RAB21: variants seen among roughly 807,000 people sequenced by gnomAD.
RAB21 encodes ras-related protein Rab-21.
RAB21 carries 13 observed loss-of-function variants against 33.1 expected under a neutral mutation model. That is an observed-to-expected ratio of 0.39 (90% CI 0.26 to 0.62). The LOEUF is 0.62. Among genes scored for constraint, RAB21 ranks in the 20% least tolerant of loss-of-function variants. The pLI is 0.48. For synonymous variants in RAB21, 91 were observed against 103.7 expected, an observed-to-expected ratio of 0.88 and a Z score of 0.74; for missense variants, 234 against 279.1, an observed-to-expected ratio of 0.84 and a Z score of 1.15.
chr12:71,769,943 C>CT (rs578245368), intron 2 of RAB21, 84 bp downstream of exon 2: 35,192 of 431,450 alleles, frequency 0.082, 360 homozygotes, highest in East Asian at 0.16. Context: ...TTAGCCAACA[C>CT]TTTTTTTTTT....
rs1178296248 is a variant in RAB21, at chr12:71,787,974, A to G, written c.*2301A>G. The G allele has an allele frequency of 6.6e-6, 1 of 152,138 alleles. No individual in the cohort carries two copies. The highest frequency in any genetic ancestry group is 1.5e-5 in the Non-Finnish European group (1 of 68,020). The allele number at this position is 152,138 out of a possible 1,614,324, so 9.4% of individuals were successfully genotyped here. On this transcript the variant is annotated 3_prime_UTR_variant, in exon 7 of 7. Transcript: ENST00000261263. ...AGATAGGAAATAAGCTTTTCTCATT[A>G]CAGTGAAATATGTTTTAAAAACTAG...
At chr12:71,768,590 C>A (rs1273195659) in intron 1 of RAB21, among the ~76,000 whole-genome samples, 1 of 152,042 alleles carries the variant, frequency 6.6e-6, no homozygotes, top group African/African-American at 2.4e-5. Context: ...TGTAAGTGTT[C>A]TTTCTACCTA....
At chr12:71,772,290 CT>C (rs953366690) in intron 3 of RAB21, among the ~76,000 whole-genome samples, 2 of 152,140 alleles carry the variant, frequency 1.3e-5, no homozygotes, top group Non-Finnish European at 2.9e-5. Context: ...CTACCTTAAG[CT>C]TTTTATATGA....
chr12:71,782,348 G>A (rs900728707), intron 5 of RAB21: 2 of 520,676 alleles, frequency 3.8e-6, no homozygotes, highest in Non-Finnish European at 6.8e-6. Context: ...AACTTTTGAA[G>A]TATTTGAGTC....
intron 1 of RAB21, among the ~76,000 whole-genome samples, chr12:71,760,371 T>TTTA (rs943083461): frequency 9.9e-5 from 15 of 152,018 alleles, no homozygotes; most frequent in African/African-American, 3.1e-4. Context: ...CTCTCTTAAC[T>TTTA]TATATAGAGT....
chr12:71,781,840 A>G (rs1883205730), intron 4 of RAB21, among the ~76,000 whole-genome samples, 191 bp from the exon 5 acceptor site: 1 of 152,180 alleles, frequency 6.6e-6, no homozygotes, highest in Non-Finnish European at 1.5e-5. Context: ...GAGTCATTTG[A>G]AGGAGGATGA....
chr12:71,775,154 T>G (rs1883101361), intron 4 of RAB21, among the ~76,000 whole-genome samples: 3 of 152,206 alleles, frequency 2.0e-5, no homozygotes, highest in Admixed American at 6.5e-5. Context: ...TTCTTTAGAT[T>G]ATTATTTCTG....
intron 3 of RAB21, among the ~76,000 whole-genome samples, chr12:71,773,036 C>T (rs913802814): frequency 1.3e-5 from 2 of 152,170 alleles, no homozygotes; most frequent in African/African-American, 4.8e-5. Context: ...TGTATTTTTT[C>T]AGGAGGTTTT....
chr12:71,782,324 C>T, intron 5 of RAB21: 1 of 532,584 alleles, frequency 1.9e-6, no homozygotes. Context: ...ATCAAATAGG[C>T]AGTAAGCCAG....
chr12:71,764,219 G>A (rs909559564), intron 1 of RAB21, among the ~76,000 whole-genome samples: 3 of 152,086 alleles, frequency 2.0e-5, no homozygotes, highest in Admixed American at 6.5e-5. Flanking sequence ...TAGTATGTGC[G>A]TATGAGTGGT....
Position 71,758,028 on chromosome 12 carries a change from T to A in RAB21, c.159+2740T>A, listed in dbSNP as rs1003032630. ...GTCCTAAGGTGTCCCATTTCATTTTTAAATTTTTTTTTTTTTCTTTTTGAG... is the reference window on the plus strand; with the variant it reads ...GTCCTAAGGTGTCCCATTTCATTTTAAAATTTTTTTTTTTTTCTTTTTGAG... On this transcript the variant is annotated intron_variant, in intron 1 of 6. Coordinates refer to ENST00000261263, the MANE Select transcript of RAB21 (RefSeq NM_014999.4). 1.4e-3 allele frequency among the ~76,000 whole-genome samples: 215 copies of A among 152,094 alleles called. 1 individual carries two copies. The highest frequency in any genetic ancestry group is 4.8e-3 in the African/African-American group (201 of 41,480).
At position 71,800,110 on chromosome 12, in the gene RAB21, T is replaced by C. The variant is rs996157873; in HGVS notation, c.*14437T>C. 3 of 151,452 alleles carry C rather than the reference T, an allele frequency of 2.0e-5. No individual in the cohort carries two copies. The highest frequency in any genetic ancestry group is 7.3e-5 in the African/African-American group (3 of 41,224). 9.4% of individuals were successfully genotyped at this position (151,452 alleles called of 1,614,324 possible). A position where few individuals can be genotyped will look rare whatever the true frequency, so the allele number is the denominator to read the frequency against. On this transcript the variant is annotated 3_prime_UTR_variant, in exon 7 of 7. Transcript: ENST00000261263. ...AAAAAAATTAATTGCACATGAAGTATACAAGTTCGATCTGTGAAACCACCA... is the reference window on the plus strand; with the variant it reads ...AAAAAAATTAATTGCACATGAAGTACACAAGTTCGATCTGTGAAACCACCA...
In RAB21 at chr12:71,792,994, A is replaced by G. The variant is rs1371447314; in HGVS notation, c.*7321A>G. On this transcript the variant is annotated 3_prime_UTR_variant, in exon 7 of 7. Coordinates refer to ENST00000261263, the MANE Select transcript of RAB21 (RefSeq NM_014999.4). The stretch of plus-strand genomic sequence containing the variant: ...AAGAATGTTTTTGAATTTTGCAAAT[A>G]ATACATTTTCAAGCCAGATTAAAAT... The G allele has an allele frequency of 6.6e-6, 1 of 152,232 alleles. No individual in the cohort carries two copies. Among genetic ancestry groups the G allele is most frequent in the East Asian group, 1.9e-4 (1 of 5,206 alleles). The allele number at this position is 152,232 out of a possible 1,614,324, so 9.4% of individuals were successfully genotyped here.
chr12:71,761,631 T>C (rs747483759), intron 1 of RAB21, among the ~76,000 whole-genome samples: 9 of 152,056 alleles, frequency 5.9e-5, no homozygotes, highest in African/African-American at 9.7e-5. Context: ...TGAGCCAAGA[T>C]TGCACCATTG....
At chr12:71,781,896 AG>A in intron 4 of RAB21, 134 bp from the exon 5 acceptor site, 1 of 626,186 alleles carries the variant, frequency 1.6e-6, no homozygotes, top group South Asian at 2.3e-5. Context: ...TATAATTTCA[AG>A]ACATTAGAAG....
chr12:71,784,205 T>C (rs1883246151), intron 6 of RAB21, among the ~76,000 whole-genome samples: 1 of 152,202 alleles, frequency 6.6e-6, no homozygotes, highest in South Asian at 2.1e-4. Flanking sequence ...TTCCTTCATC[T>C]TCTCAAATAC....
chr12:71,762,979 G>A (rs753891133), intron 1 of RAB21, among the ~76,000 whole-genome samples: 2 of 152,060 alleles, frequency 1.3e-5, no homozygotes, highest in South Asian at 4.1e-4. Context: ...AAGTATGGAA[G>A]TGGTAATGCT....
rs1457732151 is a variant in RAB21 at position 71,793,421 on chromosome 12, T to A, written c.*7748T>A. 2 of 152,210 alleles carry A rather than the reference T, an allele frequency of 1.3e-5. No individual in the cohort carries two copies. Among genetic ancestry groups the A allele is most frequent in the Non-Finnish European group, 2.9e-5 (2 of 68,030 alleles). 9.4% of individuals were successfully genotyped at this position (152,210 alleles called of 1,614,324 possible). On this transcript the variant is annotated 3_prime_UTR_variant, in exon 7 of 7. Transcript: ENST00000261263. ...GAATATGAATTTTCTAAACATCTTTTCAGTGTCTTTTAAGGATATTTTTGA... is the reference window on the plus strand; with the variant it reads ...GAATATGAATTTTCTAAACATCTTTACAGTGTCTTTTAAGGATATTTTTGA...
intron 1 of RAB21, among the ~76,000 whole-genome samples, chr12:71,762,906 T>C (rs1397572250): frequency 6.6e-6 from 1 of 152,164 alleles, no homozygotes. Flanking sequence ...ATAGCTAATT[T>C]TTATTGCCTT....
Sources: allele counts gnomAD v4.1 joint callset (sites outside exome capture counted in the v4.1 genomes callset), GRCh38; gene constraint gnomAD v4.1.1; transcripts MANE v1.5; gene names NCBI Gene and HGNC (gene_info 2026-07-23, HGNC 2026-07-21).